The following KIFC3 variants were observed in gnomAD, a reference collection of about 807,000 sequenced individuals.
KIFC3 encodes the protein kinesin-like protein KIFC3.
In KIFC3, 60 loss-of-function variants were observed where a neutral mutation model predicts 101.8. The ratio of observed to expected loss-of-function variants is 0.59; its 90% confidence interval spans 0.48 to 0.73. The LOEUF is 0.73. Among genes scored for constraint, KIFC3 ranks in the 30% least tolerant of loss-of-function variants. The pLI, the probability that KIFC3 is intolerant of heterozygous loss-of-function variation, is 0.00. For synonymous variants in KIFC3, 476 were observed against 482.7 expected, an observed-to-expected ratio of 0.99 and a Z score of 0.18; for missense variants, 966 against 1,137.1, an observed-to-expected ratio of 0.85 and a Z score of 2.16.
At chr16:57,775,204 C>G in intron 3 of KIFC3, 1 of 1,338,998 alleles carries the variant, frequency 7.5e-7, no homozygotes, top group Non-Finnish European at 9.5e-7. Context: ...CAACCGCAAC[C>G]AGGGCAGGCT....
At chr16:57,861,872 C>T (rs1027777902) in intron 1 of KIFC3, among the ~76,000 whole-genome samples, 1 of 152,128 alleles carries the variant, frequency 6.6e-6, no homozygotes, top group Admixed American at 6.6e-5. Flanking sequence ...TCACTTGAAC[C>T]TGGGAGGCGG....
At chr16:57,832,181 C>T (rs545483725) in intron 1 of KIFC3, among the ~76,000 whole-genome samples, 2 of 151,476 alleles carry the variant, frequency 1.3e-5, no homozygotes, top group East Asian at 1.9e-4. Context: ...CCACCATGCC[C>T]GTCTAATTTT....
intron 1 of KIFC3, among the ~76,000 whole-genome samples, chr16:57,855,119 C>CTTTTTTTTTT (rs1229988962): frequency 3.8e-5 from 4 of 105,072 alleles, no homozygotes; most frequent in Non-Finnish European, 5.9e-5. Flanking sequence ...CCATTTCTTT[C>CTTTTTTTTTT]TTTTTTTTTT....
chr16:57,788,023 G>A (rs189468880), intron 3 of KIFC3, among the ~76,000 whole-genome samples: 294 of 152,332 alleles, frequency 1.9e-3, no homozygotes, highest in African/African-American at 6.7e-3. Context: ...GCATGGACCC[G>A]TAAGACTACA....
At chr16:57,809,556 T>C (rs566481697) in intron 1 of KIFC3, among the ~76,000 whole-genome samples, 12 of 152,320 alleles carry the variant, frequency 7.9e-5, no homozygotes, top group African/African-American at 2.6e-4. Context: ...GTAGCTCCCA[T>C]TTTTGTCACT....
chr16:57,775,913 G>C, intron 3 of KIFC3: 3 of 985,532 alleles, frequency 3.0e-6, no homozygotes, highest in Non-Finnish European at 2.4e-6. Flanking sequence ...ACTGAATCAC[G>C]GGCCTGCTGC....
chr16:57,760,882 C>A lies in KIFC3; in HGVS notation c.2076G>T (p.Arg692=), dbSNP rs926228401. 1 of 1,611,486 alleles carries A rather than the reference C, an allele frequency of 6.2e-7. No individual in the cohort carries two copies. Among genetic ancestry groups the A allele is most frequent in the Non-Finnish European group, 8.5e-7 (1 of 1,179,792 alleles). Residue 692 remains arginine (R), a synonymous_variant, in exon 16 of 20, where the codon CGG becomes CGT. Coordinates refer to ENST00000445690, the MANE Select transcript of KIFC3 (RefSeq NM_001130100.2). ...GKSGAEGSRL[R]EAQHINKSLS... ...GCGACTTGTTGATGTGCTGCGCCTC[C>A]CGCAGGCGGCTGCCCTCGGCCCCCG... is the stretch of plus-strand genomic sequence containing the variant.
chr16:57,854,922 T>C (rs1161415241), intron 1 of KIFC3, among the ~76,000 whole-genome samples: 13 of 151,950 alleles, frequency 8.6e-5, no homozygotes, highest in Admixed American at 6.6e-4. Flanking sequence ...AATCCATGAA[T>C]CAAAGTGGAA....
chr16:57,807,081 C>T (rs59395296), upstream of KIFC3, among the ~76,000 whole-genome samples: 472 of 151,888 alleles, frequency 3.1e-3, 4 homozygotes, highest in African/African-American at 0.011. Flanking sequence ...ACCCGATGTG[C>T]TGGTGGGCGC....
chr16:57,845,900 C>T (rs1025685558), intron 1 of KIFC3, among the ~76,000 whole-genome samples: 5 of 152,282 alleles, frequency 3.3e-5, no homozygotes, highest in Middle Eastern at 3.4e-3. Context: ...GCCAGTGTCT[C>T]CTGGGCACTG....
At chr16:57,764,364 G>T in intron 11 of KIFC3, 117 bp from the exon 12 acceptor site, 3 of 636,796 alleles carry the variant, frequency 4.7e-6, no homozygotes, top group Non-Finnish European at 5.7e-6. Context: ...CACATCACGT[G>T]TTACTGCAGT....
chr16:57,798,632 C>T (rs1307695723), intron 1 of KIFC3: 3 of 374,728 alleles, frequency 8.0e-6, no homozygotes, highest in Non-Finnish European at 1.5e-5. Context: ...GCAGCATCTC[C>T]GTAAGTCTAA....
intron 10 of KIFC3, 51 bp from the exon 11 acceptor site, chr16:57,765,691 C>T: frequency 6.6e-7 from 1 of 1,522,980 alleles, no homozygotes; most frequent in South Asian, 1.2e-5. Flanking sequence ...CAAGACCAGT[C>T]TCCATTCTGG....
chr16:57,800,059 G>C (rs1363904190), intron 1 of KIFC3, among the ~76,000 whole-genome samples: 1 of 151,652 alleles, frequency 6.6e-6, no homozygotes, highest in Non-Finnish European at 1.5e-5. Context: ...GGGGAGAGTT[G>C]AGCATATTGG....
chr16:57,764,077 C>G (rs150114421), intron 12 of KIFC3, 66 bp downstream of exon 12: 1 of 1,142,260 alleles, frequency 8.8e-7, no homozygotes, highest in Non-Finnish European at 1.3e-6. Context: ...ACCCCAAGAC[C>G]AATGAGGGAG....
At chr16:57,815,404 C>T (rs2055197467) in intron 1 of KIFC3, 1 of 1,177,782 alleles carries the variant, frequency 8.5e-7, no homozygotes, top group African/African-American at 1.6e-5. Flanking sequence ...CGCACCCCAC[C>T]ACCGCCACGT....
chr16:57,819,765 T>C (rs2055312351), intron 1 of KIFC3, among the ~76,000 whole-genome samples: 1 of 152,104 alleles, frequency 6.6e-6, no homozygotes, highest in Non-Finnish European at 1.5e-5. Context: ...TTCACCATGT[T>C]GGTCAGGCTG....
At chr16:57,819,773 C>T (rs7499950) in intron 1 of KIFC3, among the ~76,000 whole-genome samples, 7,613 of 152,194 alleles carry the variant, frequency 0.05, 254 homozygotes, top group Middle Eastern at 0.2. Flanking sequence ...GTTGGTCAGG[C>T]TGGTCTCGAA....
In KIFC3 at chr16:57,834,786, G is replaced by A. The variant is rs150818816; in HGVS notation, c.108+27943C>T. On this transcript the variant is annotated intron_variant, in intron 1 of 2. Coordinates refer to the KIFC3 transcript ENST00000563028. The stretch of plus-strand genomic sequence containing the variant: ...CTTGCCTCAGCCTCCCAAAGTGTTG[G>A]GATTACAGGCATGAGCCACTGTGCC... Among the ~76,000 whole-genome samples the A allele has an allele frequency of 1.6e-3, 241 of 152,282 alleles. 1 individual carries two copies. Among genetic ancestry groups the A allele is most frequent in the African/African-American group, 5.3e-3 (219 of 41,564 alleles).
Sources: gnomAD v4.1 joint callset for allele counts (sites outside exome capture counted in the v4.1 genomes callset) on GRCh38, gnomAD v4.1.1 for gene constraint, MANE v1.5 for transcripts, NCBI Gene and HGNC (gene_info 2026-07-23, HGNC 2026-07-21) for gene names.